The following ADARB2 variants were observed in gnomAD, a reference collection of about 807,000 sequenced individuals.
ADARB2 encodes inactive double-stranded RNA-specific editase B2.
ADARB2 carries 25 observed loss-of-function variants against 62.2 expected under a neutral mutation model. The observed-to-expected ratio is 0.40, with a 90% confidence interval of 0.29 to 0.56. ADARB2 has a LOEUF of 0.56. ADARB2 is among the 20% of genes least tolerant of loss of function. The pLI is 0.43. For synonymous variants in ADARB2, 572 were observed against 500.8 expected (o/e 1.14, Z -1.90); for missense variants, 1,071 against 1,077.4 (o/e 0.99, Z 0.08).
In ADARB2 at chr10:1,425,653, C is replaced by A. The variant is rs565782962; in HGVS notation, c.101-46493G>T. Among the ~76,000 whole-genome samples the A allele has an allele frequency of 2.6e-5, 4 of 152,368 alleles. No individual in the cohort carries two copies. The South Asian group carries it at 8.3e-4, about 32-fold the overall frequency. ...GGATCTAAGCAGAACCTTCCATCTACAGCCTCTCAAGTTGCCAACCCATAA... is the reference window on the plus strand; with the variant it reads ...GGATCTAAGCAGAACCTTCCATCTAAAGCCTCTCAAGTTGCCAACCCATAA... On this transcript the variant is annotated intron_variant, in intron 1 of 9. Transcript: ENST00000381312.
chr10:1,441,215 T>C (rs1830901066), intron 1 of ADARB2, among the ~76,000 whole-genome samples: 1 of 152,202 alleles, frequency 6.6e-6, no homozygotes, highest in African/African-American at 2.4e-5. Flanking sequence ...CTAGATTCCT[T>C]GGGAAAAAAA....
intron 1 of ADARB2, among the ~76,000 whole-genome samples, chr10:1,688,432 G>C (rs1588353087): frequency 6.6e-6 from 1 of 152,246 alleles, no homozygotes; most frequent in East Asian, 1.9e-4. Flanking sequence ...GCAGTGAAGG[G>C]CTGGAGACCC....
chr10:1,556,727 C>A (rs747584395), intron 1 of ADARB2: 1 of 534,528 alleles, frequency 1.9e-6, no homozygotes, highest in African/African-American at 1.9e-5. Context: ...CTGCCCATGT[C>A]AACAGAGTTG....
At chr10:1,332,502 G>A (rs1470152797) in intron 3 of ADARB2, among the ~76,000 whole-genome samples, 3 of 119,896 alleles carry the variant, frequency 2.5e-5, no homozygotes, top group Admixed American at 9.0e-5. Flanking sequence ...TTTTGCCATC[G>A]AACAGGTGTT....
At chr10:1,567,179 T>TC (rs1431672030) in intron 1 of ADARB2, among the ~76,000 whole-genome samples, 1 of 146,030 alleles carries the variant, frequency 6.8e-6, no homozygotes. Context: ...CTGTGGGTCC[T>TC]CCCCCCACCG....
intron 1 of ADARB2, among the ~76,000 whole-genome samples, chr10:1,417,612 G>A (rs932334924): frequency 6.6e-6 from 1 of 152,212 alleles, no homozygotes. Context: ...CCTGACACAT[G>A]GACAGGAGTC....
intron 1 of ADARB2, among the ~76,000 whole-genome samples, chr10:1,684,490 T>A (rs906496146): frequency 6.6e-6 from 1 of 152,216 alleles, no homozygotes; most frequent in Non-Finnish European, 1.5e-5. Flanking sequence ...CTGGAACTTT[T>A]CAAACAGAAA....
At chr10:1,596,934 G>A (rs1046712995) in intron 1 of ADARB2, among the ~76,000 whole-genome samples, 1 of 152,048 alleles carries the variant, frequency 6.6e-6, no homozygotes, top group Non-Finnish European at 1.5e-5. Flanking sequence ...AAAAGGGAAT[G>A]GGGGGGCTTC....
At position 1,549,059 on chromosome 10, in the gene ADARB2, G is replaced by A. The variant is rs568262911; in HGVS notation, c.101-169899C>T. Among the ~76,000 whole-genome samples the A allele has an allele frequency of 3.3e-4, 50 of 152,286 alleles. 1 individual carries two copies. The highest frequency in any genetic ancestry group is 1.1e-3 in the African/African-American group (47 of 41,568). ...TAAAAGAGAGGGAGAATCTGAAGACGTCTGAGGGGAACTGCAGCCGGGTTT... is the reference window on the plus strand; with the variant it reads ...TAAAAGAGAGGGAGAATCTGAAGACATCTGAGGGGAACTGCAGCCGGGTTT... On this transcript the variant is annotated intron_variant, in intron 1 of 9. Transcript: ENST00000381312.
At chr10:1,580,728 T>C (rs1427958280) in intron 1 of ADARB2, among the ~76,000 whole-genome samples, 2 of 152,198 alleles carry the variant, frequency 1.3e-5, no homozygotes, top group African/African-American at 2.4e-5. Context: ...GCAGCGTCCC[T>C]GCCCTAAAAA....
chr10:1,347,215 C>T (rs540604268), intron 3 of ADARB2, among the ~76,000 whole-genome samples: 33 of 152,278 alleles, frequency 2.2e-4, no homozygotes, highest in Non-Finnish European at 4.0e-4. Flanking sequence ...CTGGATTTTC[C>T]CTGAAATCCC....
At chr10:1,504,915 T>TGCGTGTGCGTGCACACACAC (rs1831818171) in intron 1 of ADARB2, among the ~76,000 whole-genome samples, 1 of 151,888 alleles carries the variant, frequency 6.6e-6, no homozygotes, top group Non-Finnish European at 1.5e-5. Context: ...CACACACACA[T>TGCGTGTGCGTGCACACACAC]GCGTGTGCGT....
chr10:1,634,621 C>T (rs34547816), intron 1 of ADARB2, among the ~76,000 whole-genome samples: 30,598 of 152,076 alleles, frequency 0.2, 3,347 homozygotes, highest in Admixed American at 0.26. Flanking sequence ...GGCAAGATTC[C>T]TGCACTGAAT....
intron 3 of ADARB2, among the ~76,000 whole-genome samples, chr10:1,347,911 GACAGAGACAGAC>G (rs1225056187): frequency 2.6e-5 from 4 of 151,974 alleles, no homozygotes; most frequent in Admixed American, 6.6e-5. Context: ...GGGATACGGA[GACAGAGACAGAC>G]ACAGAGACAG....
chr10:1,216,895 T>C, intron 7 of ADARB2, 56 bp downstream of exon 7: 1 of 1,579,166 alleles, frequency 6.3e-7, no homozygotes, highest in Non-Finnish European at 8.6e-7. Flanking sequence ...AGCCTGGGGC[T>C]TGGCACTCCC....
intron 4 of ADARB2, among the ~76,000 whole-genome samples, chr10:1,258,205 G>C (rs1285043283): frequency 1.3e-5 from 2 of 151,776 alleles, no homozygotes; most frequent in African/African-American, 2.4e-5. Flanking sequence ...CATGGTTAAG[G>C]TAAATATAAG....
At chr10:1,584,843 G>A (rs765981211) in intron 1 of ADARB2, among the ~76,000 whole-genome samples, 24 of 152,158 alleles carry the variant, frequency 1.6e-4, no homozygotes, top group Non-Finnish European at 3.2e-4. Context: ...AAAGAAGAAA[G>A]ACCATCTGAA....
rs567856878 is a variant in ADARB2 at position 1,625,363 on chromosome 10, C to T, written c.100+111688G>A. On this transcript the variant is annotated intron_variant, in intron 1 of 9. Coordinates refer to ENST00000381312, the MANE Select transcript of ADARB2 (RefSeq NM_018702.4). ...TCGACGTGGGTTGCAATCCCAATGC[C>T]GGTTGCAGTGCTGAGGGCTGGCCCA... 4.1e-4 allele frequency among the ~76,000 whole-genome samples: 62 copies of T among 152,316 alleles called. 1 individual carries two copies. The East Asian group carries it at 0.011, about 27-fold the overall frequency.
intron 1 of ADARB2, among the ~76,000 whole-genome samples, chr10:1,614,910 CA>C (rs4002271): frequency 1.3e-3 from 190 of 148,756 alleles, no homozygotes; most frequent in Non-Finnish European, 1.9e-3. Context: ...GACTCTGACT[CA>C]AAAAAAAATA....
Sources: gnomAD v4.1 joint callset for allele counts (sites outside exome capture counted in the v4.1 genomes callset) on GRCh38, gnomAD v4.1.1 for gene constraint, MANE v1.5 for transcripts, NCBI Gene and HGNC (gene_info 2026-07-23, HGNC 2026-07-21) for gene names.